Variants in SHROOM3 observed in about 807,000 individuals in gnomAD.
SHROOM3 encodes shroom family member 3.
SHROOM3 carries 47 observed loss-of-function variants against 138.6 expected under a neutral mutation model. The ratio of observed to expected loss-of-function variants is 0.34; its 90% CI spans 0.27 to 0.43. SHROOM3 has a LOEUF of 0.43. Ranked by LOEUF, SHROOM3 falls within the 20% of genes least tolerant of loss-of-function variation. The probability of loss-of-function intolerance (pLI) is 1.00; values close to 1 mark genes in which losing one functional copy is unlikely to be tolerated. For missense variants in SHROOM3, 2,491 were observed against 2,596.5 expected (o/e 0.96, Z 0.88); for synonymous variants, 1,062 against 1,063.3 (o/e 1.00, Z 0.02).
chr4:76,713,568 T>A (rs1031872701), intron 3 of SHROOM3, among the ~76,000 whole-genome samples: 4 of 152,214 alleles, frequency 2.6e-5, no homozygotes, highest in Non-Finnish European at 5.9e-5. Flanking sequence ...CTTCTTTTTT[T>A]AATAAGTGGG....
chr4:76,436,625 G>T (rs10027712), intron 1 of SHROOM3, among the ~76,000 whole-genome samples: 2 of 152,008 alleles, frequency 1.3e-5, no homozygotes, highest in African/African-American at 4.8e-5. Context: ...AATATTTTAA[G>T]TTTGCTTATA....
intron 2 of SHROOM3, among the ~76,000 whole-genome samples, chr4:76,622,456 G>A (rs1289230303): frequency 3.3e-5 from 5 of 151,936 alleles, no homozygotes; most frequent in Admixed American, 6.6e-5. Flanking sequence ...GTTTTCAAAC[G>A]AACTGGTTCT....
chr4:76,760,574 A>C (rs1392105422), intron 9 of SHROOM3, among the ~76,000 whole-genome samples: 3 of 152,206 alleles, frequency 2.0e-5, no homozygotes. Context: ...AATGTGTCCC[A>C]AGCTGTCTTG....
rs79802549 is a variant in SHROOM3, at chr4:76,735,408, G to A, written c.588-3353G>A. Among the ~76,000 whole-genome samples, 979 of 151,988 alleles carry A rather than the reference G, an allele frequency of 6.4e-3. 8 individuals are homozygous for A. The highest frequency in any genetic ancestry group is 0.023 in the African/African-American group (938 of 41,434). The stretch of plus-strand genomic sequence containing the variant: ...GGACAGAACCCTCTCCGGGCAGGAG[G>A]GAAAATACCTAACAGAGGCCTTCCA... On this transcript the variant is annotated intron_variant, in intron 4 of 10. Transcript: ENST00000296043.
intron 2 of SHROOM3, among the ~76,000 whole-genome samples, chr4:76,686,562 CAAT>C (rs1671067467): frequency 6.6e-6 from 1 of 151,740 alleles, no homozygotes; most frequent in African/African-American, 2.4e-5. Context: ...AGATGTATGA[CAAT>C]AATCTGAAAT....
At position 76,563,215 on chromosome 4, in the gene SHROOM3, A is replaced by G. The variant is rs4610361; in HGVS notation, c.323+7452A>G. Among the ~76,000 whole-genome samples, 1,281 of 152,332 alleles carry G rather than the reference A, an allele frequency of 8.4e-3. 57 individuals are homozygous for G. The highest frequency in any genetic ancestry group is 0.07 in the Admixed American group (1,067 of 15,296). ...GGAGCTTCTATTGTACAGTCTCATGAAAAGTTACCTGACCACATTCTCTGA... is the reference window on the plus strand; with the variant it reads ...GGAGCTTCTATTGTACAGTCTCATGGAAAGTTACCTGACCACATTCTCTGA... On this transcript the variant is annotated intron_variant, in intron 2 of 10. Transcript: ENST00000296043.
chr4:76,548,283 G>A (rs1376693002), intron 1 of SHROOM3, among the ~76,000 whole-genome samples: 1 of 151,472 alleles, frequency 6.6e-6, no homozygotes, highest in Admixed American at 6.6e-5. Flanking sequence ...AATCCAGCAC[G>A]GCAGGGCCTT....
intron 1 of SHROOM3, among the ~76,000 whole-genome samples, chr4:76,454,870 C>G (rs1579164565): frequency 6.6e-6 from 1 of 152,132 alleles, no homozygotes; most frequent in African/African-American, 2.4e-5. Context: ...TTTTTGCCTC[C>G]TTGGTTAAGT....
At chr4:76,556,977 G>A (rs1037947074) in intron 2 of SHROOM3, among the ~76,000 whole-genome samples, 2 of 152,082 alleles carry the variant, frequency 1.3e-5, no homozygotes, top group Admixed American at 6.6e-5. Context: ...CTTCTCTGGT[G>A]GTCAGTGATG....
chr4:76,468,704 T>C (rs1379580687), intron 1 of SHROOM3, among the ~76,000 whole-genome samples: 1 of 152,042 alleles, frequency 6.6e-6, no homozygotes, highest in Non-Finnish European at 1.5e-5. Flanking sequence ...TGTTTGTTAA[T>C]AGTGATTCAG....
In SHROOM3 at chr4:76,781,846, G is replaced by A. The variant is rs1022304384; in HGVS notation, c.*2669G>A. On this transcript the variant is annotated 3_prime_UTR_variant, in exon 11 of 11. Coordinates refer to ENST00000296043, the MANE Select transcript of SHROOM3 (RefSeq NM_020859.4). ...TTTGCCAAGACCATGAGAACAGTAA[G>A]GAGCATGTTGTTGGTCAGGGTTTCA... 6.6e-6 allele frequency: 1 copy of A among 152,190 alleles called. No homozygotes were observed. The highest frequency in any genetic ancestry group is 1.5e-5 in the Non-Finnish European group (1 of 68,044). The allele number at this position is 152,190 out of a possible 1,614,324, so 9.4% of individuals were successfully genotyped here. A position where few individuals can be genotyped will look rare whatever the true frequency, so the allele number is the denominator to read the frequency against.
chr4:76,764,978 A>G (rs564050228), intron 9 of SHROOM3, among the ~76,000 whole-genome samples: 3 of 152,244 alleles, frequency 2.0e-5, no homozygotes, highest in Admixed American at 1.3e-4. Context: ...CAGTATTTCA[A>G]TGACAGTTCA....
intron 1 of SHROOM3, among the ~76,000 whole-genome samples, chr4:76,518,548 T>C (rs1732494816): frequency 1.4e-5 from 2 of 146,418 alleles, no homozygotes; most frequent in Admixed American, 1.4e-4. Context: ...TCCTACCTTC[T>C]TCCTTCCTTC....
intron 1 of SHROOM3, among the ~76,000 whole-genome samples, chr4:76,511,940 CT>C (rs1314717713): frequency 6.6e-6 from 1 of 152,134 alleles, no homozygotes; most frequent in Non-Finnish European, 1.5e-5. Context: ...GAAGGTTGTT[CT>C]GAAGATCCCT....
intron 2 of SHROOM3, among the ~76,000 whole-genome samples, chr4:76,617,655 T>G (rs1734911807): frequency 6.6e-6 from 1 of 152,248 alleles, no homozygotes; most frequent in Non-Finnish European, 1.5e-5. Context: ...GTTTTTGGTT[T>G]GTTATTAAAG....
Position 76,741,332 on chromosome 4 carries a change from C to T in SHROOM3, c.3159C>T (p.Ser1053=), listed in dbSNP as rs759379934. 4.3e-6 allele frequency: 7 copies of T among 1,611,124 alleles called. No individual in the cohort carries two copies. Among genetic ancestry groups the T allele is most frequent in the Non-Finnish European group, 5.1e-6 (6 of 1,179,292 alleles). ...QRNGMRFPES[S]VADRRRLFER... ...ATGGGATGCGTTTCCCGGAGAGCAGCGTGGCCGACCGGCGCCGTCTCTTCG... is the reference window on the plus strand; with the variant it reads ...ATGGGATGCGTTTCCCGGAGAGCAGTGTGGCCGACCGGCGCCGTCTCTTCG... Residue 1053 remains serine, a synonymous_variant, in exon 5 of 11, where the codon AGC becomes AGT. Coordinates refer to ENST00000296043, the MANE Select transcript of SHROOM3 (RefSeq NM_020859.4). The surrounding 1 kb of genome is among the most constrained non-coding windows in gnomAD (Gnocchi z 6.2).
intron 2 of SHROOM3, among the ~76,000 whole-genome samples, chr4:76,628,473 AAATT>A (rs973486275): frequency 2.6e-5 from 4 of 152,180 alleles, no homozygotes; most frequent in Non-Finnish European, 4.4e-5. Flanking sequence ...AACCTTAAAC[AAATT>A]AATGCTTTTC....
rs1187350383 is a variant in SHROOM3, at chr4:76,754,184, T to C, written c.3828-127T>C. 6 of 1,242,676 alleles carry C rather than the reference T, an allele frequency of 4.8e-6. No individual in the cohort carries two copies. The East Asian group carries it at 1.2e-4, about 24-fold the overall frequency. 77.0% of individuals were successfully genotyped at this position (1,242,676 alleles called of 1,614,324 possible). ...AGCAGCCAGGGAAGACAGTGTGCAG[T>C]TTCTGGGGGAAGGAAAAGAGGTCCT... On this transcript the variant is annotated intron_variant, in intron 6 of 10. Transcript: ENST00000296043.
intron 2 of SHROOM3, among the ~76,000 whole-genome samples, chr4:76,589,727 G>A (rs776410024): frequency 2.0e-5 from 3 of 152,180 alleles, no homozygotes; most frequent in Non-Finnish European, 2.9e-5. Context: ...AGGGGCGGGG[G>A]TCCCAGCAAT....
Sources: allele counts gnomAD v4.1 joint callset (sites outside exome capture counted in the v4.1 genomes callset), GRCh38; gene constraint gnomAD v4.1.1; non-coding constraint Gnocchi (gnomAD v3.1); transcripts MANE v1.5; gene names NCBI Gene and HGNC (gene_info 2026-07-23, HGNC 2026-07-21).